Variants in EPB41L3 observed in about 807,000 individuals in gnomAD.
EPB41L3 encodes erythrocyte membrane protein band 4.1 like 3, also known as band 4.1-like protein 3.
In EPB41L3, 57 loss-of-function variants were observed where a neutral mutation model predicts 127.1. The observed-to-expected ratio is 0.45, with a 90% CI of 0.36 to 0.56. The LOEUF is 0.56. Ranked by LOEUF, EPB41L3 falls within the 20% of genes least tolerant of loss-of-function variation. The pLI is 0.00. For missense variants in EPB41L3, 1,273 were observed against 1,372.2 expected (o/e 0.93, Z 1.14); for synonymous variants, 572 against 549.5 (o/e 1.04, Z -0.57).
intron 1 of EPB41L3, among the ~76,000 whole-genome samples, chr18:5,509,122 G>A (rs1244468235): frequency 1.3e-5 from 2 of 152,164 alleles, no homozygotes; most frequent in Non-Finnish European, 1.5e-5. Flanking sequence ...ATTCAAACTG[G>A]TTTGGTCTTG....
chr18:5,557,192 G>C (rs965913824), intron 3 of EPB41L3, among the ~76,000 whole-genome samples: 11 of 152,154 alleles, frequency 7.2e-5, no homozygotes, highest in African/African-American at 2.2e-4. Flanking sequence ...CTGCAGACTT[G>C]ATAATATTGC....
chr18:5,508,766 CAAAAAAAAA>C (rs397969769), intron 1 of EPB41L3, among the ~76,000 whole-genome samples: 1 of 52,596 alleles, frequency 1.9e-5, no homozygotes, highest in Non-Finnish European at 4.2e-5. Context: ...GACTCCATCT[CAAAAAAAAA>C]AAAAAAAAAA....
At chr18:5,594,213 T>A (rs1439387912) in intron 3 of EPB41L3, among the ~76,000 whole-genome samples, 1 of 152,218 alleles carries the variant, frequency 6.6e-6, no homozygotes, top group African/African-American at 2.4e-5. Context: ...TTTGGGGAAC[T>A]AATAAATGTC....
At chr18:5,568,427 TAAAAAAAAA>T (rs555002375) in intron 3 of EPB41L3, among the ~76,000 whole-genome samples, 3 of 109,304 alleles carry the variant, frequency 2.7e-5, no homozygotes, top group Admixed American at 1.0e-4. Context: ...CTCTGGATAG[TAAAAAAAAA>T]AAAAAAAAAA....
intron 3 of EPB41L3, among the ~76,000 whole-genome samples, chr18:5,451,295 T>C (rs1427277712): frequency 6.6e-6 from 1 of 152,208 alleles, no homozygotes; most frequent in African/African-American, 2.4e-5. Context: ...CATGATGAGC[T>C]CACTGAGTTA....
At chr18:5,545,541 T>C (rs976778590), upstream of EPB41L3, among the ~76,000 whole-genome samples, 3 of 152,212 alleles carry the variant, frequency 2.0e-5, no homozygotes, top group African/African-American at 7.2e-5. Context: ...ACTATGTTGC[T>C]ATGGAGTTTA....
At chr18:5,578,280 C>G (rs1047178884) in intron 3 of EPB41L3, among the ~76,000 whole-genome samples, 1 of 152,138 alleles carries the variant, frequency 6.6e-6, no homozygotes, top group East Asian at 1.9e-4. Context: ...AAAAAAAGAT[C>G]TCAAAATGAT....
At chr18:5,434,893 C>A (rs535712651) in intron 6 of EPB41L3, among the ~76,000 whole-genome samples, 2 of 152,124 alleles carry the variant, frequency 1.3e-5, no homozygotes, top group South Asian at 2.1e-4. Flanking sequence ...CAGAAGAAGA[C>A]ACTGTTATCC....
intron 1 of EPB41L3, among the ~76,000 whole-genome samples, chr18:5,490,787 G>A (rs2090499761): frequency 6.6e-6 from 1 of 152,162 alleles, no homozygotes; most frequent in African/African-American, 2.4e-5. Flanking sequence ...AAAGGTTGTG[G>A]AGGGCTGCAG....
chr18:5,444,097 G>C (rs768296857), intron 4 of EPB41L3, among the ~76,000 whole-genome samples: 33 of 152,170 alleles, frequency 2.2e-4, no homozygotes, highest in Non-Finnish European at 4.1e-4. Context: ...ATGCAGTTTG[G>C]GCCTGACAAA....
At chr18:5,496,495 G>T (rs2091191825) in intron 1 of EPB41L3, among the ~76,000 whole-genome samples, 1 of 152,204 alleles carries the variant, frequency 6.6e-6, no homozygotes, top group African/African-American at 2.4e-5. Flanking sequence ...GGTTCCCCTG[G>T]GGGCAAAACT....
At chr18:5,546,844 CCT>C (rs1400922406), upstream of EPB41L3, among the ~76,000 whole-genome samples, 1 of 152,190 alleles carries the variant, frequency 6.6e-6, no homozygotes, top group Non-Finnish European at 1.5e-5. Flanking sequence ...CTCTCTTAGT[CCT>C]CTCTGTCTCC....
intron 1 of EPB41L3, among the ~76,000 whole-genome samples, chr18:5,621,005 T>C (rs2094854515): frequency 6.6e-6 from 1 of 152,268 alleles, no homozygotes; most frequent in South Asian, 2.1e-4. Flanking sequence ...GTCTAAACAT[T>C]TACATATGCC....
intron 1 of EPB41L3, among the ~76,000 whole-genome samples, chr18:5,490,114 A>G (rs1371141627): frequency 6.6e-6 from 1 of 152,178 alleles, no homozygotes; most frequent in Non-Finnish European, 1.5e-5. Context: ...TCTCCTACTA[A>G]TAAGATATGC....
intron 3 of EPB41L3, among the ~76,000 whole-genome samples, chr18:5,605,454 C>CT (rs1732247300): frequency 2.0e-5 from 3 of 152,146 alleles, no homozygotes; most frequent in Admixed American, 2.0e-4. Flanking sequence ...TCATGGCTCA[C>CT]TGCAGCCTAA....
chr18:5,609,603 C>G (rs900821354), intron 3 of EPB41L3, among the ~76,000 whole-genome samples: 1 of 152,164 alleles, frequency 6.6e-6, no homozygotes, highest in Admixed American at 6.6e-5. Flanking sequence ...ACTAATTGAG[C>G]AGGGAAGTCA....
chr18:5,485,641 T>G (rs1433532610), intron 2 of EPB41L3, among the ~76,000 whole-genome samples: 3 of 152,014 alleles, frequency 2.0e-5, no homozygotes, highest in Non-Finnish European at 4.4e-5. Context: ...ATGAATTCAG[T>G]GAAATTGTAG....
intron 3 of EPB41L3, among the ~76,000 whole-genome samples, chr18:5,449,188 C>A (rs947869770): frequency 4.6e-5 from 7 of 151,966 alleles, no homozygotes; most frequent in African/African-American, 1.5e-4. Flanking sequence ...TGAACTTACA[C>A]CTTACCAAAG....
chr18:5,433,098 C>A (rs1027022283), intron 8 of EPB41L3, among the ~76,000 whole-genome samples: 3 of 151,340 alleles, frequency 2.0e-5, no homozygotes, highest in African/African-American at 7.4e-5. Flanking sequence ...CTGATGGGAG[C>A]AAAGGTTATG....
Sources: gnomAD v4.1 joint callset for allele counts (sites outside exome capture counted in the v4.1 genomes callset) on GRCh38, gnomAD v4.1.1 for gene constraint, MANE v1.5 for transcripts, NCBI Gene and HGNC (gene_info 2026-07-23, HGNC 2026-07-21) for gene names.